GATAD2A: variants seen among roughly 807,000 people sequenced by gnomAD.
GATAD2A encodes the protein GATA zinc finger domain containing 2A, also known as transcriptional repressor p66-alpha.
GATAD2A carries 12 observed loss-of-function variants against 68.5 expected under a neutral mutation model. That is an observed-to-expected ratio of 0.18 (90% CI 0.11 to 0.28). GATAD2A has a LOEUF of 0.28. Among genes scored for constraint, GATAD2A ranks in the 10% least tolerant of loss-of-function variants. GATAD2A has a pLI of 1.00. For missense variants in GATAD2A, 755 were observed against 868.5 expected (o/e 0.87, Z 1.64); for synonymous variants, 410 against 375.3 (o/e 1.09, Z -1.07).
Position 19,506,428 on chromosome 19 carries a change from A to C in GATAD2A, c.*954A>C. The C allele has an allele frequency of 7.0e-6, 2 of 287,166 alleles. No homozygotes were observed. Among genetic ancestry groups the C allele is most frequent in the East Asian group, 5.6e-5 (1 of 17,980 alleles). The allele number at this position is 287,166 out of a possible 1,614,324, so 17.8% of individuals were successfully genotyped here. On this transcript the variant is annotated 3_prime_UTR_variant, in exon 12 of 12. Transcript: ENST00000683918. ...TTTTTCCTTTTTTCTATTCATTTCGATGGACGCAATCTTAAGCCACCCTGG... is the reference window on the plus strand; with the variant it reads ...TTTTTCCTTTTTTCTATTCATTTCGCTGGACGCAATCTTAAGCCACCCTGG...
At chr19:19,503,898 A>G (rs1405104364) in intron 11 of GATAD2A, among the ~76,000 whole-genome samples, 1 of 152,188 alleles carries the variant, frequency 6.6e-6, no homozygotes, top group Non-Finnish European at 1.5e-5. Flanking sequence ...CACAAAATGT[A>G]TTAGCCACCA....
At chr19:19,437,991 G>C (rs908312825) in intron 1 of GATAD2A, among the ~76,000 whole-genome samples, 9 of 152,132 alleles carry the variant, frequency 5.9e-5, no homozygotes, top group African/African-American at 2.2e-4. Flanking sequence ...CTCTTTTCAG[G>C]AATTACCAGA....
At chr19:19,394,070 A>G (rs977366027) in intron 1 of GATAD2A, among the ~76,000 whole-genome samples, 11 of 151,852 alleles carry the variant, frequency 7.2e-5, no homozygotes, top group African/African-American at 2.7e-4. Context: ...GTGTTTTAGT[A>G]GAGATGGGGG....
chr19:19,411,133 C>T (rs1228357485), intron 1 of GATAD2A, among the ~76,000 whole-genome samples: 1 of 152,224 alleles, frequency 6.6e-6, no homozygotes, highest in Non-Finnish European at 1.5e-5. Context: ...CAGCCTATTC[C>T]CCTCTCTCCA....
intron 1 of GATAD2A, among the ~76,000 whole-genome samples, chr19:19,398,173 G>T (rs1250507582): frequency 2.0e-5 from 3 of 151,104 alleles, no homozygotes; most frequent in African/African-American, 7.3e-5. Flanking sequence ...AAAGTGCAGG[G>T]ATTACAGGCG....
In GATAD2A at chr19:19,453,675, T is replaced by A. The variant is rs569746127; in HGVS notation, c.-6-11665T>A. Among the ~76,000 whole-genome samples, 795 of 141,978 alleles carry A rather than the reference T, an allele frequency of 5.6e-3. 7 individuals are homozygous for A. Among genetic ancestry groups the A allele is most frequent in the South Asian group, 0.047 (201 of 4,312 alleles). 93.1% of individuals were successfully genotyped at this position (141,978 alleles called of 152,430 possible). A position where few individuals can be genotyped will look rare whatever the true frequency, so the allele number is the denominator to read the frequency against. On this transcript the variant is annotated intron_variant, in intron 1 of 11. Coordinates refer to ENST00000683918, the MANE Select transcript of GATAD2A (RefSeq NM_001384528.1). The stretch of plus-strand genomic sequence containing the variant: ...CACAACTGGCTATTTTTTAATTTTT[T>A]TAAAATTTTTTTTTTTTTTGAGACG...
chr19:19,507,822 G>A lies in GATAD2A; in HGVS notation c.*2348G>A, dbSNP rs569178600. 4.6e-5 allele frequency: 7 copies of A among 151,900 alleles called. No homozygotes were observed. Among genetic ancestry groups the A allele is most frequent in the Non-Finnish European group, 5.9e-5 (4 of 67,998 alleles). 9.4% of individuals were successfully genotyped at this position (151,900 alleles called of 1,614,324 possible). On this transcript the variant is annotated 3_prime_UTR_variant, in exon 12 of 12. Transcript: ENST00000683918. ...ATCTTTCCTTCATTTCTGCTGTCTC[G>A]AACACTCTAGCCCATTATTTCCTTT... is the stretch of plus-strand genomic sequence containing the variant.
chr19:19,440,005 C>T (rs2054817432), intron 1 of GATAD2A: 1 of 179,092 alleles, frequency 5.6e-6, no homozygotes, highest in African/African-American at 2.4e-5. Context: ...ACAAACAAAG[C>T]TGGGAATGAC....
At position 19,505,950 on chromosome 19, in the gene GATAD2A, C is replaced by A; in HGVS notation, c.*476C>A. 5.0e-6 allele frequency: 2 copies of A among 399,106 alleles called. No homozygotes were observed. Among genetic ancestry groups the A allele is most frequent in the South Asian group, 1.3e-4 (1 of 7,882 alleles). 24.7% of individuals were successfully genotyped at this position (399,106 alleles called of 1,614,324 possible). A position where few individuals can be genotyped will look rare whatever the true frequency, so the allele number is the denominator to read the frequency against. On this transcript the variant is annotated 3_prime_UTR_variant, in exon 12 of 12. Transcript: ENST00000683918. The stretch of plus-strand genomic sequence containing the variant: ...GGCTCCCAGTCTTTGACTGCCTTCC[C>A]ATGGCGATCTATAAGTTGAAAGATT...
chr19:19,399,930 A>G (rs1007706233), intron 1 of GATAD2A, among the ~76,000 whole-genome samples: 2 of 152,098 alleles, frequency 1.3e-5, no homozygotes, highest in African/African-American at 4.8e-5. Context: ...TCATGTGACT[A>G]ACACTCCTTC....
chr19:19,439,655 A>C (rs12975119), intron 1 of GATAD2A, among the ~76,000 whole-genome samples: 65,979 of 151,896 alleles, frequency 0.43, 15,694 homozygotes, highest in African/African-American at 0.63. Flanking sequence ...CGAGACCAGC[A>C]TGGCCAACAT....
intron 1 of GATAD2A, among the ~76,000 whole-genome samples, chr19:19,417,391 G>A (rs890554300): frequency 6.6e-6 from 1 of 152,140 alleles, no homozygotes; most frequent in African/African-American, 2.4e-5. Flanking sequence ...TGGGGCATCT[G>A]ATTACCCCCC....
intron 1 of GATAD2A, among the ~76,000 whole-genome samples, chr19:19,456,543 TGTG>T (rs2056956442): frequency 6.6e-6 from 1 of 152,224 alleles, no homozygotes; most frequent in South Asian, 2.1e-4. Context: ...TTTGGAGTAC[TGTG>T]TCCCTAACCC....
At chr19:19,397,790 T>TG (rs2049374076) in intron 1 of GATAD2A, among the ~76,000 whole-genome samples, 1 of 152,200 alleles carries the variant, frequency 6.6e-6, no homozygotes, top group Non-Finnish European at 1.5e-5. Context: ...TGGAGTACAC[T>TG]GGCATTACTG....
At chr19:19,440,236 T>C in intron 1 of GATAD2A, 1 of 266,850 alleles carries the variant, frequency 3.7e-6, no homozygotes, top group Non-Finnish European at 7.3e-6. Context: ...GGGGATTTGC[T>C]CATTTTATTT....
At chr19:19,405,085 T>A (rs2050065560), upstream of GATAD2A, among the ~76,000 whole-genome samples, 1 of 152,092 alleles carries the variant, frequency 6.6e-6, no homozygotes, top group Non-Finnish European at 1.5e-5. Context: ...GTTTTCACCT[T>A]CTCCCTGAGG....
intron 1 of GATAD2A, among the ~76,000 whole-genome samples, chr19:19,409,187 A>C (rs1434049713): frequency 6.6e-6 from 1 of 152,134 alleles, no homozygotes; most frequent in Non-Finnish European, 1.5e-5. Flanking sequence ...TGGGCAGCTC[A>C]GATGCTTTTC....
At chr19:19,399,575 A>G (rs2049546677) in intron 1 of GATAD2A, among the ~76,000 whole-genome samples, 1 of 152,064 alleles carries the variant, frequency 6.6e-6, no homozygotes, top group Non-Finnish European at 1.5e-5. Context: ...TACCTTTTTG[A>G]CCTAAATTTG....
At chr19:19,404,994 C>T (rs2050058821), upstream of GATAD2A, among the ~76,000 whole-genome samples, 1 of 152,174 alleles carries the variant, frequency 6.6e-6, no homozygotes, top group Non-Finnish European at 1.5e-5. Context: ...AAAGTCCATT[C>T]TCTTTCAGGC....
Sources: allele counts gnomAD v4.1 joint callset (sites outside exome capture counted in the v4.1 genomes callset), GRCh38; gene constraint gnomAD v4.1.1; transcripts MANE v1.5; gene names NCBI Gene and HGNC (gene_info 2026-07-23, HGNC 2026-07-21).